Variants in PCDH15 observed in about 807,000 individuals in gnomAD.
The protein encoded by PCDH15 is protocadherin related 15, also known as protocadherin-15.
Under a neutral mutation model 178.5 loss-of-function variants are expected in PCDH15, and 129 were observed. The ratio of observed to expected loss-of-function variants is 0.72; its 90% CI spans 0.63 to 0.84. The LOEUF is 0.84. Among genes scored for constraint, PCDH15 ranks in the 40% least tolerant of loss-of-function variants. PCDH15 has a pLI of 0.00. For missense variants in PCDH15, 2,230 were observed against 2,099.9 expected, an observed-to-expected ratio of 1.06 and a Z score of -1.21; for synonymous variants, 800 against 732.0, an observed-to-expected ratio of 1.09 and a Z score of -1.50.
intron 10 of PCDH15, among the ~76,000 whole-genome samples, chr10:54,198,980 T>C (rs1052402346): frequency 3.0e-4 from 45 of 152,178 alleles, no homozygotes; most frequent in African/African-American, 1.1e-3. Context: ...CATTAGTTTT[T>C]ACCAGCAGCT....
chr10:54,434,003 C>G (rs964881773), intron 3 of PCDH15, among the ~76,000 whole-genome samples: 3 of 152,126 alleles, frequency 2.0e-5, no homozygotes, highest in African/African-American at 7.2e-5. Context: ...ACGTGGAAGA[C>G]AGCGATATAG....
chr10:54,640,803 A>G (rs991406919), intron 2 of PCDH15, among the ~76,000 whole-genome samples: 1 of 152,088 alleles, frequency 6.6e-6, no homozygotes, highest in Non-Finnish European at 1.5e-5. Flanking sequence ...TCTTAGTGAC[A>G]TATTAAAAAG....
In PCDH15 at chr10:54,226,449, C is replaced by T. The variant is rs528886452; in HGVS notation, c.985+10374G>A. On this transcript the variant is annotated intron_variant, in intron 9 of 37. Coordinates refer to ENST00000644397, the MANE Select transcript of PCDH15 (RefSeq NM_001384140.1). ...GCATGGTGGCTCATGCCTATAATCC[C>T]AGCACTTTGGGAGGCTGAGGCAGGC... Among the ~76,000 whole-genome samples the T allele has an allele frequency of 1.8e-4, 27 of 152,228 alleles. No homozygotes were observed. The South Asian group carries it at 5.4e-3, about 30-fold the overall frequency.
chr10:54,184,356 T>C (rs1001466306), intron 12 of PCDH15, among the ~76,000 whole-genome samples: 2 of 151,560 alleles, frequency 1.3e-5, no homozygotes, highest in African/African-American at 2.4e-5. Context: ...CTGTGACTGA[T>C]TCAAAAATTG....
intron 2 of PCDH15, among the ~76,000 whole-genome samples, chr10:55,364,771 T>C (rs1225516114): frequency 2.6e-5 from 4 of 152,134 alleles, no homozygotes; most frequent in African/African-American, 9.6e-5. Context: ...ATGCAGTGTT[T>C]TTCCCTAGTC....
At chr10:55,280,332 C>A (rs1842698715) in intron 1 of PCDH15, among the ~76,000 whole-genome samples, 1 of 124,972 alleles carries the variant, frequency 8.0e-6, no homozygotes, top group African/African-American at 3.2e-5. Context: ...GGCTGGAGTG[C>A]AAGTAGTGTG....
At chr10:54,041,173 G>A (rs1394986298) in intron 18 of PCDH15, among the ~76,000 whole-genome samples, 2 of 152,084 alleles carry the variant, frequency 1.3e-5, no homozygotes, top group Non-Finnish European at 2.9e-5. Flanking sequence ...GTTCTAATGG[G>A]CACAAAATGT....
chr10:54,661,227 C>T (rs1033877386), intron 2 of PCDH15, among the ~76,000 whole-genome samples: 1 of 151,958 alleles, frequency 6.6e-6, no homozygotes, highest in Non-Finnish European at 1.5e-5. Context: ...GCTTGAAAAT[C>T]AGTTTCATTT....
intron 23 of PCDH15, among the ~76,000 whole-genome samples, chr10:53,957,706 C>T (rs757107443): frequency 2.0e-5 from 3 of 151,968 alleles, no homozygotes; most frequent in Non-Finnish European, 2.9e-5. Flanking sequence ...TTTCTGACCA[C>T]GGTTGACCTC....
chr10:54,086,817 T>C lies in PCDH15; in HGVS notation c.1997+3167A>G, dbSNP rs999647433. 2.0e-5 allele frequency among the ~76,000 whole-genome samples: 3 copies of C among 152,272 alleles called. No homozygotes were observed. In the East Asian group the frequency reaches 5.8e-4, roughly 29 times the overall value. ...TGTCTTAAGGAGATGTCTGTCCAGG[T>C]TGACCTAAGAGCTTTAACATTAAGA... On this transcript the variant is annotated intron_variant, in intron 16 of 37. Transcript: ENST00000644397.
intron 3 of PCDH15, among the ~76,000 whole-genome samples, chr10:54,441,794 G>C (rs867537402): frequency 6.6e-6 from 1 of 151,732 alleles, no homozygotes; most frequent in South Asian, 2.1e-4. Context: ...ATTATTAGAG[G>C]GATAAGGAAT....
intron 1 of PCDH15, among the ~76,000 whole-genome samples, chr10:54,747,855 G>C (rs1293498481): frequency 2.7e-5 from 4 of 146,294 alleles, no homozygotes; most frequent in Non-Finnish European, 5.9e-5. Flanking sequence ...GCCCAAGCTG[G>C]AGTGCAGTGG....
At chr10:53,882,215 ATCT>A (rs1249594758) in intron 26 of PCDH15, among the ~76,000 whole-genome samples, 1 of 152,050 alleles carries the variant, frequency 6.6e-6, no homozygotes, top group Non-Finnish European at 1.5e-5. Flanking sequence ...CACTCCCCTT[ATCT>A]CAAGCAGACA....
chr10:55,143,822 GTAC>G (rs5785116), intron 2 of PCDH15, among the ~76,000 whole-genome samples: 78,907 of 151,332 alleles, frequency 0.52, 21,041 homozygotes, highest in South Asian at 0.65. Context: ...TACCTAGTGG[GTAC>G]TACTACAGGA....
chr10:54,130,550 C>T (rs1378853608), intron 15 of PCDH15, among the ~76,000 whole-genome samples: 2 of 152,136 alleles, frequency 1.3e-5, no homozygotes, highest in Admixed American at 6.5e-5. Context: ...AAACTGCATT[C>T]ATGCACTGAG....
intron 1 of PCDH15, among the ~76,000 whole-genome samples, chr10:55,196,133 T>C (rs1840087490): frequency 1.3e-5 from 2 of 152,240 alleles, no homozygotes; most frequent in East Asian, 1.9e-4. Context: ...TTTTACTTTC[T>C]TAATTTTCCT....
intron 18 of PCDH15, among the ~76,000 whole-genome samples, chr10:54,026,720 C>A (rs982721545): frequency 4.6e-5 from 7 of 152,146 alleles, no homozygotes; most frequent in African/African-American, 1.7e-4. Flanking sequence ...GCAGAAAAAG[C>A]GTTTGACAAA....
chr10:55,293,491 T>A (rs1320733227), intron 1 of PCDH15, among the ~76,000 whole-genome samples: 1 of 152,184 alleles, frequency 6.6e-6, no homozygotes, highest in Non-Finnish European at 1.5e-5. Flanking sequence ...TATCGCATTG[T>A]TAGGCTGCAA....
At chr10:55,309,047 A>G (rs565980890) in intron 1 of PCDH15, among the ~76,000 whole-genome samples, 1 of 152,324 alleles carries the variant, frequency 6.6e-6, no homozygotes, top group Admixed American at 6.5e-5. Context: ...AAGAGCCAAT[A>G]TATTTTCATG....
Sources: allele counts gnomAD v4.1 joint callset (sites outside exome capture counted in the v4.1 genomes callset), GRCh38; gene constraint gnomAD v4.1.1; transcripts MANE v1.5; gene names NCBI Gene and HGNC (gene_info 2026-07-23, HGNC 2026-07-21).